CLSPN: variants seen among roughly 807,000 people sequenced by gnomAD.
The protein encoded by CLSPN is claspin homolog.
Under a neutral mutation model 156.3 loss-of-function variants are expected in CLSPN, and 85 were observed. The ratio of observed to expected loss-of-function variants is 0.54; its 90% CI spans 0.46 to 0.65. CLSPN has a LOEUF of 0.65. Among genes scored for constraint, CLSPN ranks in the 30% least tolerant of loss-of-function variants. CLSPN has a pLI of 0.00. For synonymous variants in CLSPN, 534 were observed against 542.4 expected (o/e 0.98, Z 0.22); for missense variants, 1,407 against 1,554.9 (o/e 0.90, Z 1.60).
chr1:35,725,007 T>C (rs1641146370), intron 24 of CLSPN, among the ~76,000 whole-genome samples: 2 of 152,220 alleles, frequency 1.3e-5, no homozygotes, highest in Admixed American at 1.3e-4. Context: ...GTACATTCAA[T>C]TAGAAGTTTT....
intron 10 of CLSPN, 84 bp downstream of exon 10, chr1:35,751,166 T>C: frequency 6.6e-7 from 1 of 1,518,278 alleles, no homozygotes; most frequent in East Asian, 2.2e-5. Flanking sequence ...CAATTGAACA[T>C]GCTTATTATA....
At position 35,740,191 on chromosome 1, in the gene CLSPN, T is replaced by C. The variant is rs145421236; in HGVS notation, c.3144-662A>G. The stretch of plus-strand genomic sequence containing the variant: ...GGTGTAGAAAGGTAATAAACTGGGA[T>C]CTTCTTACAGCCTAACAAATCTTGA... On this transcript the variant is annotated intron_variant, in intron 18 of 24. Coordinates refer to ENST00000318121, the MANE Select transcript of CLSPN (RefSeq NM_022111.4). Among the ~76,000 whole-genome samples the C allele has an allele frequency of 8.5e-5, 13 of 152,290 alleles. 1 individual carries two copies. The East Asian group carries it at 2.3e-3, about 27-fold the overall frequency.
At chr1:35,724,745 C>T (rs1276780731) in intron 24 of CLSPN, among the ~76,000 whole-genome samples, 2 of 152,196 alleles carry the variant, frequency 1.3e-5, no homozygotes, top group Non-Finnish European at 2.9e-5. Context: ...CCCAGAGGAC[C>T]TTTGACATGC....
At chr1:35,738,960 CCTG>C (rs1231858205) in intron 20 of CLSPN, among the ~76,000 whole-genome samples, 173 bp downstream of exon 20, 3 of 152,084 alleles carry the variant, frequency 2.0e-5, no homozygotes, top group Non-Finnish European at 4.4e-5. Flanking sequence ...GCCATCACAG[CCTG>C]CTAATTTTTG....
intron 14 of CLSPN, 129 bp downstream of exon 14, chr1:35,747,778 A>G (rs1185181377): frequency 3.6e-6 from 3 of 829,342 alleles, no homozygotes; most frequent in African/African-American, 1.7e-5. Context: ...ATGTAATACT[A>G]ATGGTCTGTA....
chr1:35,734,649 G>T lies in CLSPN; in HGVS notation c.*1847C>A. The T allele has an allele frequency of 1.6e-6, 1 of 612,990 alleles. No homozygotes were observed. The highest frequency in any genetic ancestry group is 2.0e-6 in the Non-Finnish European group (1 of 499,130). 38.0% of individuals were successfully genotyped at this position (612,990 alleles called of 1,614,324 possible). A position where few individuals can be genotyped will look rare whatever the true frequency, so the allele number is the denominator to read the frequency against. ...GCCGAGATCATGCCATTGTATTCCAGCCTAGGTGACAGAGCCAGCCTATGT... is the reference window on the plus strand; with the variant it reads ...GCCGAGATCATGCCATTGTATTCCATCCTAGGTGACAGAGCCAGCCTATGT... On this transcript the variant is annotated 3_prime_UTR_variant, in exon 25 of 25. Coordinates refer to ENST00000318121, the MANE Select transcript of CLSPN (RefSeq NM_022111.4).
chr1:35,730,802 G>A (rs1641297561), downstream of CLSPN, among the ~76,000 whole-genome samples: 1 of 152,114 alleles, frequency 6.6e-6, no homozygotes, highest in Admixed American at 6.5e-5. Context: ...AAAGGTTGCA[G>A]TGAGCTGAGA....
chr1:35,732,079 G>A (rs914392934), downstream of CLSPN: 7 of 878,048 alleles, frequency 8.0e-6, no homozygotes, highest in Non-Finnish European at 9.6e-6. Flanking sequence ...AGACAGCCAT[G>A]ACTTAGTATC....
Position 35,734,671 on chromosome 1 carries a change from A to G in CLSPN, c.*1825T>C. The G allele has an allele frequency of 2.9e-6, 2 of 691,374 alleles. No individual in the cohort carries two copies. The highest frequency in any genetic ancestry group is 3.3e-6 in the Non-Finnish European group (2 of 601,294). The allele number at this position is 691,374 out of a possible 1,614,324, so 42.8% of individuals were successfully genotyped here. A position where few individuals can be genotyped will look rare whatever the true frequency, so the allele number is the denominator to read the frequency against. On this transcript the variant is annotated 3_prime_UTR_variant, in exon 25 of 25. Transcript: ENST00000318121. ...CCAGCCTAGGTGACAGAGCCAGCCT[A>G]TGTCTCAAAAAAAAAAAAAGAAAAG...
rs915581577 is a variant in CLSPN, at chr1:35,763,172, T to A, written c.732A>T (p.Val244=). 6.4e-7 allele frequency: 1 copy of A among 1,574,140 alleles called. No homozygotes were observed. Among genetic ancestry groups the A allele is most frequent in the African/African-American group, 1.4e-5 (1 of 72,512 alleles). ...ESIRAAVKNK[V]KKHKKKEPSL... ...ATGCTTTACTTGCCTTGTGCTTTTT[T>A]ACTTTGTTTTTTACAGCTGCTCTTA... The change falls in exon 4 of 25, where the codon GTA becomes GTT. Residue 244 remains valine, a synonymous_variant. Transcript: ENST00000318121.
At chr1:35,742,990 A>C (rs1209407927) in intron 18 of CLSPN, 151 bp downstream of exon 18, 1 of 609,862 alleles carries the variant, frequency 1.6e-6, no homozygotes, top group African/African-American at 1.8e-5. Flanking sequence ...CTGTGTCACC[A>C]AGACCAGGCT....
intron 8 of CLSPN, among the ~76,000 whole-genome samples, chr1:35,757,805 G>A (rs1167709563): frequency 6.6e-6 from 1 of 152,174 alleles, no homozygotes; most frequent in East Asian, 1.9e-4. Flanking sequence ...TGAACCTCCA[G>A]CCCTGGTCAA....
chr1:35,739,481 A>G lies in CLSPN; in HGVS notation c.3192T>C (p.Asp1064=). ...CATCATACTCATCTTCGCTTCCCACATCACTTCCTGACACCTCTGCCTCAT... is the reference window on the plus strand; with the variant it reads ...CATCATACTCATCTTCGCTTCCCACGTCACTTCCTGACACCTCTGCCTCAT... ...LEDEAEVSGS[D]VGSEDEYDGE... is the part of the protein sequence containing the mutation. Residue 1064 remains aspartate (D), a synonymous_variant, in exon 19 of 25, where the codon GAT becomes GAC. Transcript: ENST00000318121. 5 of 1,613,992 alleles carry G rather than the reference A, an allele frequency of 3.1e-6. No individual in the cohort carries two copies. The highest frequency in any genetic ancestry group is 4.2e-6 in the Non-Finnish European group (5 of 1,179,974).
chr1:35,743,655 G>A, intron 16 of CLSPN, 125 bp from the exon 17 acceptor site: 1 of 665,246 alleles, frequency 1.5e-6, no homozygotes, highest in Non-Finnish European at 2.6e-6. Context: ...AGACAGTCTT[G>A]GTCTCTTACA....
chr1:35,763,460 T>C (rs1004427450), intron 3 of CLSPN, 139 bp from the exon 4 acceptor site: 5 of 541,228 alleles, frequency 9.2e-6, no homozygotes, highest in Non-Finnish European at 1.5e-5. Context: ...AGAACATTCT[T>C]ACTGGTTTCT....
At chr1:35,741,974 A>AAG (rs1641709341) in intron 18 of CLSPN, among the ~76,000 whole-genome samples, 2 of 10,340 alleles carry the variant, frequency 1.9e-4, no homozygotes, top group Non-Finnish European at 8.2e-4. Context: ...ACTCCGTCTC[A>AAG]AAAAAAAAAA....
chr1:35,743,627 A>T (rs1486254416), intron 16 of CLSPN, 97 bp from the exon 17 acceptor site: 14 of 703,090 alleles, frequency 2.0e-5, no homozygotes, highest in East Asian at 3.2e-5. Context: ...GTGTGTGTTA[A>T]TTTTTTTTTT....
chr1:35,723,332 G>A (rs752253094), intron 24 of CLSPN, among the ~76,000 whole-genome samples: 90 of 152,300 alleles, frequency 5.9e-4, no homozygotes, highest in Non-Finnish European at 5.3e-4. Flanking sequence ...GATGGACAGC[G>A]GGTAAGCCTC....
intron 6 of CLSPN, 44 bp downstream of exon 6, chr1:35,761,954 A>G (rs1642494182): frequency 3.0e-6 from 4 of 1,338,934 alleles, no homozygotes; most frequent in Non-Finnish European, 4.3e-6. Flanking sequence ...GAGCTTACAA[A>G]GAAATGTTGT....
Sources: allele counts gnomAD v4.1 joint callset (sites outside exome capture counted in the v4.1 genomes callset), GRCh38; gene constraint gnomAD v4.1.1; transcripts MANE v1.5; gene names NCBI Gene and HGNC (gene_info 2026-07-23, HGNC 2026-07-21).